Variants in DDX19A observed in about 807,000 individuals in gnomAD.
The protein encoded by DDX19A is ATP-dependent RNA helicase DDX19A.
DDX19A carries 12 observed loss-of-function variants against 60.6 expected under a neutral mutation model. That is an observed-to-expected ratio of 0.20 (90% CI 0.13 to 0.32). The LOEUF is 0.32. Ranked by LOEUF, DDX19A falls within the 10% of genes least tolerant of loss-of-function variation. The pLI is 1.00. For missense variants in DDX19A, 337 were observed against 600.6 expected (o/e 0.56, Z 4.59); for synonymous variants, 206 against 218.2 (o/e 0.94, Z 0.49).
chr16:70,359,079 A>G lies in DDX19A; in HGVS notation c.294-2339A>G, dbSNP rs187829207. On this transcript the variant is annotated intron_variant, in intron 4 of 11. Transcript: ENST00000302243. ...ACTGATGAATTGTCCTCTGTAAAAG[A>G]CAGGTTCTCTCTGATTTAGTTGTTG... 1.0e-3 allele frequency among the ~76,000 whole-genome samples: 152 copies of G among 152,318 alleles called. 1 individual carries two copies. Among genetic ancestry groups the G allele is most frequent in the African/African-American group, 2.9e-3 (120 of 41,566 alleles).
At position 70,372,059 on chromosome 16, in the gene DDX19A, G is replaced by A. The variant is rs538828112; in HGVS notation, c.*73G>A. On this transcript the variant is annotated 3_prime_UTR_variant, in exon 12 of 12. Transcript: ENST00000302243. ...GGAGACAAGTGCATTTAGGGCACAG[G>A]CCCCGACATCACCCCAAGGACAACG... 312 of 1,609,556 alleles carry A rather than the reference G, an allele frequency of 1.9e-4. 3 individuals are homozygous for A. The South Asian group carries it at 3.2e-3, about 17-fold the overall frequency.
intron 1 of DDX19A, among the ~76,000 whole-genome samples, chr16:70,347,486 C>T (rs1469217889): frequency 6.6e-6 from 1 of 152,104 alleles, no homozygotes; most frequent in Non-Finnish European, 1.5e-5. Flanking sequence ...GATTTAATAC[C>T]TCAATCTACT....
rs1297524240 is a variant in DDX19A, at chr16:70,372,125, G to A, written c.*139G>A. On this transcript the variant is annotated 3_prime_UTR_variant, in exon 12 of 12. Coordinates refer to ENST00000302243, the MANE Select transcript of DDX19A (RefSeq NM_018332.5). ...AACTACCTACCTCACTTCAAATTAT[G>A]TTTGGACTTGACAAAAATAGGTGCA... The A allele has an allele frequency of 2.1e-5, 29 of 1,400,816 alleles. No individual in the cohort carries two copies. The highest frequency in any genetic ancestry group is 4.2e-5 in the Admixed American group (2 of 47,326). The allele number at this position is 1,400,816 out of a possible 1,614,324, so 86.8% of individuals were successfully genotyped here.
intron 1 of DDX19A, among the ~76,000 whole-genome samples, chr16:70,348,701 A>G (rs1335696639): frequency 1.3e-5 from 2 of 149,278 alleles, no homozygotes; most frequent in African/African-American, 4.9e-5. Context: ...GCACTTTGGG[A>G]AACTGAGACA....
intron 1 of DDX19A, among the ~76,000 whole-genome samples, 199 bp from the exon 2 acceptor site, chr16:70,350,358 T>A (rs1963974069): frequency 6.6e-6 from 1 of 152,160 alleles, no homozygotes; most frequent in African/African-American, 2.4e-5. Context: ...CTCCCCTTGT[T>A]TTAAGGCTGT....
chr16:70,365,742 C>T (rs781072466), intron 7 of DDX19A: 15 of 364,762 alleles, frequency 4.1e-5, no homozygotes, highest in Admixed American at 2.4e-4. Flanking sequence ...ACTGTGTCAC[C>T]GCACTCTAGT....
At chr16:70,367,889 AAAG>A (rs1404533002) in intron 9 of DDX19A, among the ~76,000 whole-genome samples, 1 of 151,674 alleles carries the variant, frequency 6.6e-6, no homozygotes, top group Non-Finnish European at 1.5e-5. Flanking sequence ...AAAAAAAAAA[AAAG>A]AGGCCAGGCT....
chr16:70,354,590 A>G (rs1442580144), intron 2 of DDX19A, among the ~76,000 whole-genome samples: 1 of 152,226 alleles, frequency 6.6e-6, no homozygotes, highest in East Asian at 1.9e-4. Flanking sequence ...ATTTTAAAGT[A>G]GGGCTAGTAA....
At chr16:70,364,798 T>C in intron 6 of DDX19A, 153 bp downstream of exon 6, 2 of 685,710 alleles carry the variant, frequency 2.9e-6, no homozygotes, top group East Asian at 2.7e-5. Flanking sequence ...CCTGGGAGAA[T>C]GTGCTTGAAA....
At position 70,369,862 on chromosome 16, in the gene DDX19A, C is replaced by T. The variant is rs751666993; in HGVS notation, c.1021-361C>T. On this transcript the variant is annotated intron_variant, in intron 9 of 11. Transcript: ENST00000302243. The stretch of plus-strand genomic sequence containing the variant: ...CTGAGTTCAAGCGATCCACGTGCCT[C>T]GTCCTCCCAAAGTGCTAGGAGTACA... 2.9e-4 allele frequency among the ~76,000 whole-genome samples: 44 copies of T among 152,182 alleles called. No individual in the cohort carries two copies. In the South Asian group the frequency reaches 5.6e-3, roughly 19 times the overall value.
At position 70,361,611 on chromosome 16, in the gene DDX19A, C is replaced by T. The variant is rs1304698529; in HGVS notation, c.386+101C>T. 17 of 849,524 alleles carry T rather than the reference C, an allele frequency of 2.0e-5. 1 individual carries two copies. The highest frequency in any genetic ancestry group is 3.0e-5 in the Non-Finnish European group (16 of 531,138). The allele number at this position is 849,524 out of a possible 1,614,324, so 52.6% of individuals were successfully genotyped here. On this transcript the variant is annotated intron_variant, in intron 5 of 11. Transcript: ENST00000302243. Reference sequence around the variant, plus strand: ...GAACAGAAGGAGCTGTTTGGGGCCACGTGTTTCCTCAGGAATACAGCTTAG... The same window carrying T: ...GAACAGAAGGAGCTGTTTGGGGCCATGTGTTTCCTCAGGAATACAGCTTAG...
intron 4 of DDX19A, among the ~76,000 whole-genome samples, chr16:70,358,476 CTTTTT>C (rs113552631): frequency 8.0e-4 from 113 of 140,868 alleles, no homozygotes; most frequent in African/African-American, 2.4e-3. Context: ...GGCCCAATAA[CTTTTT>C]TTTTTTTTTT....
At chr16:70,364,928 C>G (rs749357522) in intron 6 of DDX19A, 89 bp from the exon 7 acceptor site, 18 of 978,448 alleles carry the variant, frequency 1.8e-5, no homozygotes, top group African/African-American at 6.4e-5. Flanking sequence ...CTGTGCTATT[C>G]AAGTGCTAAT....
chr16:70,356,678 A>T (rs1964197437), intron 4 of DDX19A: 1 of 250,614 alleles, frequency 4.0e-6, no homozygotes, highest in Non-Finnish European at 7.9e-6. Flanking sequence ...TTTGAAAAGA[A>T]GTCACATGAA....
In DDX19A at chr16:70,365,743, G is replaced by A. The variant is rs752542175; in HGVS notation, c.605-342G>A. ...TGCAGTGAGCCATGACTGTGTCACC[G>A]CACTCTAGTCTGGGCAACAGAGTGA... is the stretch of plus-strand genomic sequence containing the variant. On this transcript the variant is annotated intron_variant, in intron 7 of 11. Coordinates refer to ENST00000302243, the MANE Select transcript of DDX19A (RefSeq NM_018332.5). 21 of 363,470 alleles carry A rather than the reference G, an allele frequency of 5.8e-5. 2 individuals are homozygous for A. The highest frequency in any genetic ancestry group is 2.9e-4 in the South Asian group (12 of 41,162). The allele number at this position is 363,470 out of a possible 1,614,324, so 22.5% of individuals were successfully genotyped here.
chr16:70,350,584 A>C lies in DDX19A; in HGVS notation c.85A>C (p.Lys29Gln), dbSNP rs777756349. Reference protein sequence around the residue: ...SMTNLQIKEEKVKADTNGIIK... With the variant: ...SMTNLQIKEEQVKADTNGIIK... ...GACCAATTTGCAGATCAAGGAAGAG[A>C]AAGTCAAAGCAGATACCAATGGTGA... Residue 29 changes from lysine to glutamine, a missense_variant, in exon 2 of 12, where the codon AAA becomes CAA. Lys to Gln is a moderately conservative substitution (Grantham distance 53). Around this residue, in one of 6 missense-constraint regions of DDX19A, gnomAD observed 127 missense variants for 160.3 expected, o/e 0.79. Transcript: ENST00000302243. 1.2e-6 allele frequency: 2 copies of C among 1,612,682 alleles called. No individual in the cohort carries two copies. The highest frequency in any genetic ancestry group is 2.2e-5 in the East Asian group (1 of 44,828).
At chr16:70,351,323 A>G (rs1964010315) in intron 2 of DDX19A, among the ~76,000 whole-genome samples, 1 of 151,892 alleles carries the variant, frequency 6.6e-6, no homozygotes, top group Non-Finnish European at 1.5e-5. Context: ...CTCCCACCTC[A>G]GCCTCCCAGG....
chr16:70,370,345 C>T lies in DDX19A; in HGVS notation c.1143C>T (p.Gly381=). The change falls in exon 10 of 12, where the codon GGC becomes GGT. Residue 381 remains glycine (G), a synonymous_variant. Coordinates refer to ENST00000302243, the MANE Select transcript of DDX19A (RefSeq NM_018332.5). ...RAAVIERFRE[G]KEKVLVTTNV... ...CGGTGATTGAGCGCTTCCGAGAGGG[C>T]AAAGAGAAGGTTTTGGTGACCACCA... 1.9e-6 allele frequency: 3 copies of T among 1,613,942 alleles called. No individual in the cohort carries two copies. Among genetic ancestry groups the T allele is most frequent in the Non-Finnish European group, 2.5e-6 (3 of 1,179,962 alleles).
At chr16:70,365,804 A>G (rs1964502723) in intron 7 of DDX19A, 2 of 498,362 alleles carry the variant, frequency 4.0e-6, no homozygotes, top group Non-Finnish European at 7.3e-6. Context: ...AATAAACATA[A>G]AAAGAGTTGG....
Sources: gnomAD v4.1 joint callset for allele counts (sites outside exome capture counted in the v4.1 genomes callset) on GRCh38, gnomAD v4.1.1 for gene constraint, gnomAD v4.1.1 regional missense constraint, MANE v1.5 for transcripts, NCBI Gene and HGNC (gene_info 2026-07-23, HGNC 2026-07-21) for gene names.